CHRM3: variants seen among roughly 807,000 people sequenced by gnomAD.
The protein encoded by CHRM3 is cholinergic receptor muscarinic 3, also known as muscarinic acetylcholine receptor M3.
In CHRM3, 11 loss-of-function variants were observed where a neutral mutation model predicts 41.8. The ratio of observed to expected loss-of-function variants is 0.26; its 90% CI spans 0.17 to 0.44. The LOEUF (loss-of-function observed/expected upper bound fraction) is 0.44. Ranked by LOEUF, CHRM3 falls within the 20% of genes least tolerant of loss-of-function variation. CHRM3 has a pLI of 1.00. For missense variants in CHRM3, 571 were observed against 745.4 expected, an observed-to-expected ratio of 0.77 and a Z score of 2.72; for synonymous variants, 297 against 301.4, an observed-to-expected ratio of 0.99 and a Z score of 0.15.
At chr1:239,852,889 G>A (rs1674811102) in intron 6 of CHRM3, among the ~76,000 whole-genome samples, 1 of 152,068 alleles carries the variant, frequency 6.6e-6, no homozygotes, top group Non-Finnish European at 1.5e-5. Context: ...GTATTGACAG[G>A]TGTTACATGG....
At chr1:239,714,126 A>G (rs556085506) in intron 5 of CHRM3, 1 of 152,252 alleles carries the variant, frequency 6.6e-6, no homozygotes, top group Admixed American at 6.5e-5. Flanking sequence ...CCATCTGAAG[A>G]ACTTCTGGAA....
intron 1 of CHRM3, among the ~76,000 whole-genome samples, chr1:239,393,650 T>G (rs914205088): frequency 6.6e-6 from 1 of 152,200 alleles, no homozygotes; most frequent in African/African-American, 2.4e-5. Flanking sequence ...ATTCTGTTTT[T>G]CCCTGTGACT....
chr1:239,696,990 T>C (rs1002824402), intron 5 of CHRM3, among the ~76,000 whole-genome samples: 1 of 152,234 alleles, frequency 6.6e-6, no homozygotes, highest in African/African-American at 2.4e-5. Flanking sequence ...CTTAAGTCTT[T>C]ATTGTGTTTC....
At chr1:239,814,500 T>C (rs950544443) in intron 5 of CHRM3, among the ~76,000 whole-genome samples, 3 of 152,180 alleles carry the variant, frequency 2.0e-5, no homozygotes, top group Admixed American at 6.5e-5. Context: ...CGGGAGGAAA[T>C]GCACCTGTTT....
intron 1 of CHRM3, among the ~76,000 whole-genome samples, chr1:239,432,686 A>G (rs762999790): frequency 6.6e-6 from 1 of 152,222 alleles, no homozygotes; most frequent in Non-Finnish European, 1.5e-5. Context: ...ATGAAAATCA[A>G]TTATGGTATC....
At chr1:239,865,692 G>A (rs1299971576) in intron 6 of CHRM3, among the ~76,000 whole-genome samples, 1 of 152,182 alleles carries the variant, frequency 6.6e-6, no homozygotes, top group Non-Finnish European at 1.5e-5. Context: ...ATCAAGGGTA[G>A]CAATATTGGG....
At position 239,602,433 on chromosome 1, in the gene CHRM3, T is replaced by C. The variant is rs370200349; in HGVS notation, c.-312-29791T>C. ...ATGCATTTTGGTAGGGGAAAATAAATTAACTATCTGCCCTTTAAAGTCCAT... is the reference window on the plus strand; with the variant it reads ...ATGCATTTTGGTAGGGGAAAATAAACTAACTATCTGCCCTTTAAAGTCCAT... On this transcript the variant is annotated intron_variant, in intron 3 of 6. Transcript: ENST00000676153. Among the ~76,000 whole-genome samples, 63 of 152,196 alleles carry C rather than the reference T, an allele frequency of 4.1e-4. 2 individuals carry two copies. Among genetic ancestry groups the C allele is most frequent in the Admixed American group, 1.4e-3 (22 of 15,272 alleles).
intron 6 of CHRM3, among the ~76,000 whole-genome samples, chr1:239,871,478 C>T (rs1442923744): frequency 6.6e-6 from 1 of 152,058 alleles, no homozygotes; most frequent in Non-Finnish European, 1.5e-5. Context: ...TTGACGTTGT[C>T]ATCTGCCCGC....
intron 5 of CHRM3, among the ~76,000 whole-genome samples, chr1:239,756,603 AAAT>A (rs2148617380): frequency 6.6e-6 from 1 of 152,300 alleles, no homozygotes; most frequent in African/African-American, 2.4e-5. Flanking sequence ...GTCATTGCTG[AAAT>A]AATGATAAAC....
chr1:239,786,378 T>C (rs1469058807), intron 5 of CHRM3, among the ~76,000 whole-genome samples: 1 of 152,184 alleles, frequency 6.6e-6, no homozygotes, highest in East Asian at 1.9e-4. Context: ...ATTCCATGTG[T>C]ATTTCCTCAT....
intron 3 of CHRM3, among the ~76,000 whole-genome samples, chr1:239,572,279 T>C (rs914544112): frequency 1.1e-4 from 17 of 152,204 alleles, no homozygotes; most frequent in African/African-American, 4.1e-4. Flanking sequence ...ACCCCGTTGA[T>C]AAAACGGAGA....
At chr1:239,480,422 T>C (rs541827104) in intron 1 of CHRM3, among the ~76,000 whole-genome samples, 12 of 152,304 alleles carry the variant, frequency 7.9e-5, no homozygotes, top group African/African-American at 2.9e-4. Flanking sequence ...CAGTATCTTA[T>C]GTAATACTTA....
At chr1:239,891,066 C>T (rs638711) in intron 6 of CHRM3, among the ~76,000 whole-genome samples, 140,665 of 152,158 alleles carry the variant, frequency 0.92, 65,877 homozygotes, top group East Asian at 1. Flanking sequence ...ATCAGGTGTA[C>T]ATGGTTCTAA....
At chr1:239,467,906 C>G (rs560517087) in intron 1 of CHRM3, among the ~76,000 whole-genome samples, 3 of 77,126 alleles carry the variant, frequency 3.9e-5, no homozygotes, top group South Asian at 3.8e-4. Flanking sequence ...CCTACCCCCC[C>G]CCAACGTTAT....
chr1:239,443,204 G>T (rs1174137979), intron 1 of CHRM3, among the ~76,000 whole-genome samples: 2 of 152,166 alleles, frequency 1.3e-5, no homozygotes, highest in African/African-American at 4.8e-5. Flanking sequence ...GCTCATGTGT[G>T]ATTACAGTTT....
chr1:239,490,754 T>A (rs1005960097), intron 1 of CHRM3, among the ~76,000 whole-genome samples: 1 of 152,058 alleles, frequency 6.6e-6, no homozygotes, highest in East Asian at 1.9e-4. Context: ...TTATTTATTT[T>A]ATATTTATTT....
At chr1:239,601,931 G>C (rs1191614823) in intron 3 of CHRM3, among the ~76,000 whole-genome samples, 1 of 151,356 alleles carries the variant, frequency 6.6e-6, no homozygotes, top group Non-Finnish European at 1.5e-5. Flanking sequence ...ACGATACCTT[G>C]ACTTTATAAG....
intron 5 of CHRM3, among the ~76,000 whole-genome samples, chr1:239,713,761 G>A (rs1368217924): frequency 6.6e-6 from 1 of 152,134 alleles, no homozygotes; most frequent in Non-Finnish European, 1.5e-5. Context: ...CTGTTGCTGA[G>A]GCACAATTAT....
chr1:239,451,967 A>G (rs917049505), intron 1 of CHRM3, among the ~76,000 whole-genome samples: 2 of 152,218 alleles, frequency 1.3e-5, no homozygotes. Context: ...ACTATGCTGT[A>G]TCTATATTTA....
Sources: gnomAD v4.1 joint callset for allele counts (sites outside exome capture counted in the v4.1 genomes callset) on GRCh38, gnomAD v4.1.1 for gene constraint, MANE v1.5 for transcripts, NCBI Gene and HGNC (gene_info 2026-07-23, HGNC 2026-07-21) for gene names.